CLTCL1: variants seen among roughly 807,000 people sequenced by gnomAD.
CLTCL1 encodes clathrin heavy chain like 1.
CLTCL1 carries 159 observed loss-of-function variants against 190.0 expected under a neutral mutation model. The observed-to-expected ratio is 0.84, with a 90% CI of 0.74 to 0.95. The LOEUF is 0.95. CLTCL1 is among the 40% of genes least tolerant of loss of function. CLTCL1 has a pLI of 0.00. For synonymous variants in CLTCL1, 752 were observed against 769.6 expected (o/e 0.98, Z 0.38); for missense variants, 1,878 against 2,033.4 (o/e 0.92, Z 1.47).
intron 1 of CLTCL1, among the ~76,000 whole-genome samples, chr22:19,280,719 G>A (rs371137315): frequency 2.7e-5 from 4 of 150,282 alleles, no homozygotes; most frequent in Admixed American, 6.6e-5. Context: ...CTTGGGAGGC[G>A]GAGGCAGGAG....
In CLTCL1 at chr22:19,210,357, T is replaced by C; in HGVS notation, c.3218A>G (p.His1073Arg). 1.9e-6 allele frequency: 3 copies of C among 1,613,974 alleles called. No individual in the cohort carries two copies. The highest frequency in any genetic ancestry group is 1.7e-6 in the Non-Finnish European group (2 of 1,179,862). ...TGCTGAGGCATTCATATCAAACTTG[T>C]GGAAAACGGTGAAGGCCTCCTCATA... ...ALYEEAFTVF[H>R]KFDMNASAIQ... The change falls in exon 20 of 33, where the codon CAC becomes CGC. Residue 1073 changes from histidine (H) to arginine (R), a missense_variant. Physicochemically the swap from His to Arg is conservative, Grantham distance 29 (BLOSUM62 0). Transcript: ENST00000427926.
intron 2 of CLTCL1, among the ~76,000 whole-genome samples, chr22:19,260,080 C>G (rs1411619467): frequency 6.6e-6 from 1 of 152,180 alleles, no homozygotes; most frequent in Non-Finnish European, 1.5e-5. Flanking sequence ...AAAGCCTAAT[C>G]CACAGCAAGG....
At position 19,196,247 on chromosome 22, in the gene CLTCL1, G is replaced by A. The variant is rs781848408; in HGVS notation, c.4191+19C>T. ...CTGGCAGAGGCTGGCAGGAGCCAGC[G>A]CTCTGTATCCCCTCTTACCTTGGTA... On this transcript the variant is annotated intron_variant, in intron 26 of 32. Coordinates refer to ENST00000427926, the MANE Select transcript of CLTCL1 (RefSeq NM_007098.4). The A allele has an allele frequency of 2.7e-5, 44 of 1,608,712 alleles. No individual in the cohort carries two copies. The highest frequency in any genetic ancestry group is 3.3e-4 in the Middle Eastern group (2 of 6,046).
chr22:19,252,383 T>G (rs1293974161), intron 3 of CLTCL1, among the ~76,000 whole-genome samples: 1 of 152,196 alleles, frequency 6.6e-6, no homozygotes. Context: ...TCATCCACGG[T>G]GGGTGACCCC....
At position 19,235,686 on chromosome 22, in the gene CLTCL1, A is replaced by G; in HGVS notation, c.969+10T>C. ...GAAAAGGTAGAAAATGAAATGTCAG[A>G]GTTACACACCTGTCCCTTTTTGTTG... is the stretch of plus-strand genomic sequence containing the variant. On this transcript the variant is annotated intron_variant, in intron 6 of 32. Coordinates refer to ENST00000427926, the MANE Select transcript of CLTCL1 (RefSeq NM_007098.4). The G allele has an allele frequency of 6.2e-7, 1 of 1,607,018 alleles. No homozygotes were observed. Among genetic ancestry groups the G allele is most frequent in the Non-Finnish European group, 8.5e-7 (1 of 1,176,376 alleles).
At position 19,291,626 on chromosome 22, in the gene CLTCL1, G is replaced by A; in HGVS notation, c.16C>T (p.Pro6Ser). The part of the protein sequence containing the change: MAQIL[P>S]VRFQEHFQLQ... ...TGGAAGTGCTCCTGAAAGCGAACAG[G>A]GAGGATCTGCGCCATGGCTGGTGCG... The change falls in exon 1 of 33, where the codon CCT becomes TCT. Residue 6 changes from proline (P) to serine (S), a missense_variant. Physicochemically the swap from Pro to Ser is moderately conservative, Grantham distance 74. Transcript: ENST00000427926. 7.1e-7 allele frequency: 1 copy of A among 1,405,798 alleles called. No homozygotes were observed. The highest frequency in any genetic ancestry group is 1.5e-5 in the South Asian group (1 of 66,976). The allele number at this position is 1,405,798 out of a possible 1,614,324, so 87.1% of individuals were successfully genotyped here.
rs2084716673 is a variant in CLTCL1, at chr22:19,196,642, A to G, written c.3888T>C (p.Phe1296=). The G allele has an allele frequency of 6.2e-7, 1 of 1,612,950 alleles. No homozygotes were observed. The highest frequency in any genetic ancestry group is 1.3e-5 in the African/African-American group (1 of 74,918). Reference sequence around the variant, plus strand: ...CTTCCAACAGCAAGATCAGCTCCTCAAAGTAGCCACGATCCTAGCAGACCA... The same window carrying G: ...CTTCCAACAGCAAGATCAGCTCCTCGAAGTAGCCACGATCCTAGCAGACCA... ...LMCYYQDRGY[F]EELILLLEAA... Residue 1296 remains phenylalanine (F), a synonymous_variant, in exon 25 of 33, where the codon TTT becomes TTC. Transcript: ENST00000427926.
At chr22:19,224,498 C>G (rs543442694) in intron 13 of CLTCL1, among the ~76,000 whole-genome samples, 1 of 152,270 alleles carries the variant, frequency 6.6e-6, no homozygotes, top group East Asian at 1.9e-4. Flanking sequence ...TGCTGAGCCC[C>G]AGGGTGAGCC....
chr22:19,229,522 G>A (rs2085853225), intron 11 of CLTCL1, among the ~76,000 whole-genome samples: 1 of 152,196 alleles, frequency 6.6e-6, no homozygotes, highest in Non-Finnish European at 1.5e-5. Context: ...ATAGCATTGT[G>A]AATGTTCTTA....
chr22:19,191,550 C>T, intron 26 of CLTCL1, 115 bp from the exon 27 acceptor site: 1 of 1,264,970 alleles, frequency 7.9e-7, no homozygotes, highest in Non-Finnish European at 1.1e-6. Context: ...TGACTACCCC[C>T]TATAAGACTC....
Position 19,216,179 on chromosome 22 carries a change from G to T in CLTCL1, c.2997C>A (p.Asp999Glu). ...SVTVKAFMTA[D>E]LPNELIELLE... ...GCAGTTCAATCAGTTCATTAGGCAG[G>T]TCGGCTGTCATAAAGGCTTTGACAG... is the stretch of plus-strand genomic sequence containing the variant. Residue 999 changes from aspartate (D) to glutamate (E), a missense_variant, in exon 19 of 33, where the codon GAC becomes GAA. Transcript: ENST00000427926. The T allele has an allele frequency of 6.2e-7, 1 of 1,613,978 alleles. No homozygotes were observed. Among genetic ancestry groups the T allele is most frequent in the Non-Finnish European group, 8.5e-7 (1 of 1,179,858 alleles).
At chr22:19,228,398 G>C (rs936829151) in intron 11 of CLTCL1, among the ~76,000 whole-genome samples, 1 of 152,086 alleles carries the variant, frequency 6.6e-6, no homozygotes, top group Admixed American at 6.6e-5. Context: ...TCTCCTTTAG[G>C]GTCTGGGCAT....
At chr22:19,248,095 G>A (rs79111330) in intron 3 of CLTCL1, among the ~76,000 whole-genome samples, 10,630 of 151,210 alleles carry the variant, frequency 0.07, 475 homozygotes, top group East Asian at 0.15. Context: ...TCAGGAGTTC[G>A]AGACCAGACT....
At chr22:19,212,759 A>AT in intron 19 of CLTCL1, among the ~76,000 whole-genome samples, 1 of 152,210 alleles carries the variant, frequency 6.6e-6, no homozygotes, top group Non-Finnish European at 1.5e-5. Context: ...GAGAAAGAGT[A>AT]TTTTTAACAA....
chr22:19,184,674 T>C, intron 29 of CLTCL1: 2 of 424,004 alleles, frequency 4.7e-6, no homozygotes, highest in Non-Finnish European at 9.6e-6. Flanking sequence ...TGCTGACTTG[T>C]CTTCCACATG....
chr22:19,242,785 G>C lies in CLTCL1; in HGVS notation c.671C>G (p.Thr224Arg). The stretch of plus-strand genomic sequence containing the variant: ...TAGAGTGGATCTTACCTTGCCTCCT[G>C]TGGGATTACGTACAGCAAAGCAGAA... ...TLFCFAVRNP[T>R]GGKLHIIEVG... The change falls in exon 4 of 33, where the codon ACA (threonine) becomes AGA (arginine). Residue 224 changes from threonine (T) to arginine (R), a missense_variant. Coordinates refer to ENST00000427926, the MANE Select transcript of CLTCL1 (RefSeq NM_007098.4). 3 of 1,613,920 alleles carry C rather than the reference G, an allele frequency of 1.9e-6. No individual in the cohort carries two copies. The highest frequency in any genetic ancestry group is 2.5e-6 in the Non-Finnish European group (3 of 1,179,878).
At chr22:19,232,969 A>G in intron 9 of CLTCL1, 197 bp downstream of exon 9, 1 of 630,272 alleles carries the variant, frequency 1.6e-6, no homozygotes, top group Non-Finnish European at 2.6e-6. Context: ...CGAAGATGGA[A>G]GGACTGGAAA....
intron 6 of CLTCL1, 30 bp downstream of exon 6, chr22:19,235,666 G>A: frequency 1.3e-6 from 2 of 1,596,406 alleles, no homozygotes; most frequent in South Asian, 2.3e-5. Context: ...GAATGGAAAA[G>A]GTAGAAAATG....
chr22:19,272,457 C>G (rs1555981141), intron 2 of CLTCL1, among the ~76,000 whole-genome samples: 1 of 152,010 alleles, frequency 6.6e-6, no homozygotes, highest in African/African-American at 2.4e-5. Flanking sequence ...TTTTTTGAGA[C>G]AGAGTTTCGC....
Sources: allele counts gnomAD v4.1 joint callset (sites outside exome capture counted in the v4.1 genomes callset), GRCh38; gene constraint gnomAD v4.1.1; transcripts MANE v1.5; gene names NCBI Gene and HGNC (gene_info 2026-07-23, HGNC 2026-07-21).